ARHGEF28: variants seen among roughly 807,000 people sequenced by gnomAD.
ARHGEF28 encodes the protein Rho guanine nucleotide exchange factor 28.
ARHGEF28 carries 152 observed loss-of-function variants against 206.6 expected under a neutral mutation model. The ratio of observed to expected loss-of-function variants is 0.74; its 90% CI spans 0.64 to 0.84. ARHGEF28 has a LOEUF of 0.84. ARHGEF28 is among the 40% of genes least tolerant of loss of function. The pLI is 0.00. For synonymous variants in ARHGEF28, 763 were observed against 776.4 expected, an observed-to-expected ratio of 0.98 and a Z score of 0.29; for missense variants, 2,028 against 2,073.2, an observed-to-expected ratio of 0.98 and a Z score of 0.42.
At chr5:73,938,199 C>CACACACACACA (rs1386320876) in intron 35 of ARHGEF28, among the ~76,000 whole-genome samples, 1 of 150,474 alleles carries the variant, frequency 6.6e-6, no homozygotes, top group Non-Finnish European at 1.5e-5. Context: ...CACACACACA[C>CACACACACACA]AACTCCCCAT....
At chr5:73,906,150 C>T (rs1040689136) in intron 33 of ARHGEF28, among the ~76,000 whole-genome samples, 1 of 152,194 alleles carries the variant, frequency 6.6e-6, no homozygotes, top group Non-Finnish European at 1.5e-5. Flanking sequence ...TTGTTAAAGC[C>T]TTGGATTACA....
chr5:73,883,997 C>A, intron 24 of ARHGEF28, 113 bp downstream of exon 24: 1 of 516,254 alleles, frequency 1.9e-6, no homozygotes, highest in Non-Finnish European at 3.2e-6. Flanking sequence ...AAGAGTTTCA[C>A]GACGGAGAAA....
chr5:73,754,733 G>A (rs1184245940), intron 4 of ARHGEF28, among the ~76,000 whole-genome samples: 1 of 152,066 alleles, frequency 6.6e-6, no homozygotes, highest in Non-Finnish European at 1.5e-5. Context: ...ATCTTGCTCT[G>A]TTGCCCAGGC....
intron 35 of ARHGEF28, among the ~76,000 whole-genome samples, chr5:73,938,590 A>C (rs1443896422): frequency 2.0e-5 from 3 of 152,196 alleles, no homozygotes; most frequent in Non-Finnish European, 4.4e-5. Flanking sequence ...TGACCTGTTC[A>C]GTCTGCCAGT....
chr5:73,922,968 A>C, intron 35 of ARHGEF28: 1 of 941,936 alleles, frequency 1.1e-6, no homozygotes, highest in South Asian at 1.7e-5. Flanking sequence ...AAGTTTTGCA[A>C]ATGCAAAGTA....
chr5:73,758,491 A>G (rs750761856), intron 4 of ARHGEF28, among the ~76,000 whole-genome samples: 1 of 152,238 alleles, frequency 6.6e-6, no homozygotes, highest in Admixed American at 6.5e-5. Context: ...TCTTCTGCTC[A>G]TTATGGAACA....
At chr5:73,706,431 G>A (rs148203523) in intron 2 of ARHGEF28, among the ~76,000 whole-genome samples, 3 of 152,078 alleles carry the variant, frequency 2.0e-5, no homozygotes, top group African/African-American at 7.2e-5. Context: ...AATATCCCAT[G>A]GAGAAACATA....
In ARHGEF28 at chr5:73,909,477, CCT is replaced by C; in HGVS notation, c.4228_4229del (p.Leu1410ValfsTer25). The C allele has an allele frequency of 6.2e-7, 1 of 1,612,860 alleles. No homozygotes were observed. On this transcript the variant is annotated frameshift_variant, in exon 34 of 36. Coordinates refer to ENST00000513042, the MANE Select transcript of ARHGEF28 (RefSeq NM_001177693.2). LOFTEE classifies it high-confidence loss of function. ...GGCTGGTTCTCCAGCAGCAGGAGGG[CCT>C]GTCTCTCGGCCACTCTATCCTCCGA... ...HRLVLQQQEG[L>X]SLGHSILRGG...
chr5:73,708,233 T>C (rs558809497), intron 2 of ARHGEF28, among the ~76,000 whole-genome samples: 16 of 152,208 alleles, frequency 1.1e-4, no homozygotes, highest in African/African-American at 3.1e-4. Flanking sequence ...ACGGGTTATA[T>C]ATGCAGGTTT....
At chr5:73,881,204 T>C (rs1760914562) in intron 22 of ARHGEF28, among the ~76,000 whole-genome samples, 1 of 152,196 alleles carries the variant, frequency 6.6e-6, no homozygotes, top group African/African-American at 2.4e-5. Context: ...TCTTAGTAAC[T>C]GTAGCTATAT....
At chr5:73,665,113 C>T (rs1437282429) in intron 1 of ARHGEF28, among the ~76,000 whole-genome samples, 2 of 152,152 alleles carry the variant, frequency 1.3e-5, no homozygotes, top group Non-Finnish European at 2.9e-5. Flanking sequence ...GCAGTGGTCT[C>T]TTACTTGGTT....
rs200557234 is a variant in ARHGEF28 at position 73,832,340 on chromosome 5, C to T, written c.1027C>T (p.Arg343Cys). Reference sequence around the variant, plus strand: ...CTGTTTTCATTTTTGTACTCTAGATCGCTCCTTCGATATCCTAAAAAAATC... The same window carrying T: ...CTGTTTTCATTTTTGTACTCTAGATTGCTCCTTCGATATCCTAAAAAAATC... The part of the protein sequence containing the change: ...HEDQHSLDLD[R>C]SFDILKKSKP... The change falls in exon 10 of 36, where the codon CGC becomes TGC. Residue 343 changes from arginine (R) to cysteine (C), a missense_variant and splice_region_variant. Around this residue, in one of 3 missense-constraint regions of ARHGEF28, gnomAD observed 1,002 missense variants for 1,015.3 expected, o/e 0.99. Transcript: ENST00000513042. 1.1e-4 allele frequency: 178 copies of T among 1,612,448 alleles called. No individual in the cohort carries two copies. The highest frequency in any genetic ancestry group is 1.5e-4 in the Non-Finnish European group (172 of 1,179,280).
At chr5:73,829,067 T>G (rs1375353690) in intron 9 of ARHGEF28, among the ~76,000 whole-genome samples, 1 of 152,230 alleles carries the variant, frequency 6.6e-6, no homozygotes, top group Admixed American at 6.5e-5. Context: ...GTGATTCACC[T>G]GCCTCAGTTT....
intron 2 of ARHGEF28, among the ~76,000 whole-genome samples, chr5:73,685,326 G>A (rs571246907): frequency 1.3e-5 from 2 of 152,246 alleles, no homozygotes; most frequent in African/African-American, 4.8e-5. Flanking sequence ...CGCTGGGGGG[G>A]ACAGGAATGC....
chr5:73,692,921 A>T (rs1042351925), intron 2 of ARHGEF28, among the ~76,000 whole-genome samples: 10 of 152,108 alleles, frequency 6.6e-5, no homozygotes, highest in African/African-American at 2.4e-4. Context: ...GTGGCCCTCC[A>T]TCCCCCAGTG....
chr5:73,795,006 G>T (rs1264359688), intron 8 of ARHGEF28, among the ~76,000 whole-genome samples: 1 of 152,132 alleles, frequency 6.6e-6, no homozygotes, highest in Non-Finnish European at 1.5e-5. Flanking sequence ...AATACATTCT[G>T]CAAAACAAAT....
At chr5:73,674,035 G>T (rs1483313466) in intron 1 of ARHGEF28, among the ~76,000 whole-genome samples, 1 of 151,686 alleles carries the variant, frequency 6.6e-6, no homozygotes, top group Non-Finnish European at 1.5e-5. Flanking sequence ...GGTGGGTGTG[G>T]TGGTATGCTC....
chr5:73,825,794 CT>C (rs1452632239), intron 9 of ARHGEF28, among the ~76,000 whole-genome samples: 1 of 152,008 alleles, frequency 6.6e-6, no homozygotes, highest in Non-Finnish European at 1.5e-5. Context: ...GGAGGAGAAG[CT>C]GGGTGTTGGG....
At chr5:73,875,933 G>A (rs892792388) in intron 22 of ARHGEF28, among the ~76,000 whole-genome samples, 1 of 152,036 alleles carries the variant, frequency 6.6e-6, no homozygotes, top group South Asian at 2.1e-4. Flanking sequence ...GAACTTTCAA[G>A]TAGTTTTTTC....
Sources: allele counts gnomAD v4.1 joint callset (sites outside exome capture counted in the v4.1 genomes callset), GRCh38; gene constraint gnomAD v4.1.1; regional missense constraint gnomAD v4.1.1; transcripts MANE v1.5; gene names NCBI Gene and HGNC (gene_info 2026-07-23, HGNC 2026-07-21).